EPHB2: variants seen among roughly 807,000 people sequenced by gnomAD.
EPHB2 encodes ephrin type-B receptor 2.
Under a neutral mutation model 96.4 loss-of-function variants are expected in EPHB2, and 18 were observed. The observed-to-expected ratio is 0.19, with a 90% CI of 0.13 to 0.28. The LOEUF is 0.28. Among genes scored for constraint, EPHB2 ranks in the 10% least tolerant of loss-of-function variants. The pLI, the probability that EPHB2 is intolerant of heterozygous loss-of-function variation, is 1.00. For synonymous variants in EPHB2, 506 were observed against 534.1 expected (o/e 0.95, Z 0.72); for missense variants, 989 against 1,355.4 (o/e 0.73, Z 4.25).
rs191990764 is a variant in EPHB2 at position 22,720,706 on chromosome 1, G to C, written c.61+9663G>C. ...CACTTACCCCCGAATTGTCTTCAGT[G>C]TTATCTGCCTCTTCTGAGAAGGCAG... On this transcript the variant is annotated intron_variant, in intron 1 of 15. Coordinates refer to ENST00000374630, the MANE Select transcript of EPHB2 (RefSeq NM_017449.5). 5.2e-3 allele frequency among the ~76,000 whole-genome samples: 668 copies of C among 128,018 alleles called. 3 individuals are homozygous for C. Among genetic ancestry groups the C allele is most frequent in the African/African-American group, 0.019 (635 of 33,146 alleles). 84.0% of individuals were successfully genotyped at this position (128,018 alleles called of 152,430 possible). A position where few individuals can be genotyped will look rare whatever the true frequency, so the allele number is the denominator to read the frequency against.
At chr1:22,839,426 A>T (rs1038580570) in intron 3 of EPHB2, among the ~76,000 whole-genome samples, 7 of 152,224 alleles carry the variant, frequency 4.6e-5, no homozygotes, top group Admixed American at 4.6e-4. Flanking sequence ...ACCAAAGATG[A>T]GTAAGGCCTG....
intron 8 of EPHB2, 30 bp from the exon 9 acceptor site, chr1:22,896,384 G>C (rs1279763788): frequency 1.2e-6 from 2 of 1,614,036 alleles, no homozygotes; most frequent in Non-Finnish European, 8.5e-7. Context: ...GCCTTCAGGT[G>C]GCTCCAGCCC....
intron 8 of EPHB2, 40 bp downstream of exon 8, chr1:22,895,620 C>T: frequency 1.9e-6 from 3 of 1,563,928 alleles, no homozygotes; most frequent in Non-Finnish European, 2.6e-6. Context: ...CTGGCTGTCC[C>T]AGATGGCTTC....
chr1:22,807,700 A>G (rs923119122), intron 3 of EPHB2, among the ~76,000 whole-genome samples: 8 of 152,236 alleles, frequency 5.3e-5, no homozygotes, highest in African/African-American at 1.9e-4. Flanking sequence ...AGGGCTCTAC[A>G]GAATTCCCGG....
chr1:22,756,709 C>T (rs4655104), intron 1 of EPHB2, among the ~76,000 whole-genome samples: 140,863 of 152,114 alleles, frequency 0.93, 66,186 homozygotes, highest in East Asian at 1. Context: ...TCTCACTGGG[C>T]CAGCCCCAGA....
At chr1:22,887,693 C>T (rs1456579098) in intron 6 of EPHB2, among the ~76,000 whole-genome samples, 3 of 152,312 alleles carry the variant, frequency 2.0e-5, no homozygotes, top group African/African-American at 7.2e-5. Flanking sequence ...TGGCAGCTAC[C>T]CCAAAGCACA....
intron 5 of EPHB2, among the ~76,000 whole-genome samples, chr1:22,876,654 G>T (rs75323429): frequency 6.6e-6 from 1 of 152,198 alleles, no homozygotes; most frequent in Admixed American, 6.5e-5. Flanking sequence ...CAGCGTGCCC[G>T]GCTAGTAATT....
At chr1:22,736,457 G>A (rs1426443554) in intron 1 of EPHB2, among the ~76,000 whole-genome samples, 3 of 152,164 alleles carry the variant, frequency 2.0e-5, no homozygotes, top group East Asian at 1.9e-4. Context: ...TGCATGAGCC[G>A]AGGCTCTGTT....
intron 1 of EPHB2, among the ~76,000 whole-genome samples, chr1:22,736,451 T>A (rs143994511): frequency 1.3e-5 from 2 of 152,280 alleles, no homozygotes; most frequent in African/African-American, 4.8e-5. Context: ...TCCCAATGCA[T>A]GAGCCGAGGC....
chr1:22,919,689 AAGGAGAGGGAGC>A lies in EPHB2; in HGVS notation c.*6131_*6142del. 6.6e-6 allele frequency: 1 copy of A among 152,524 alleles called. No homozygotes were observed. Among genetic ancestry groups the A allele is most frequent in the Non-Finnish European group, 1.5e-5 (1 of 68,142 alleles). 9.4% of individuals were successfully genotyped at this position (152,524 alleles called of 1,614,324 possible). ...ACCCAAGACCTAACGGCCCCTGTTG[AAGGAGAGGGAGC>A]AGGAGAGGGAGGAGGGAGGAGGTCA... On this transcript the variant is annotated 3_prime_UTR_variant, in exon 16 of 16. Transcript: ENST00000374630.
intron 3 of EPHB2, among the ~76,000 whole-genome samples, chr1:22,833,277 C>G (rs1645333510): frequency 6.6e-6 from 1 of 152,118 alleles, no homozygotes; most frequent in South Asian, 2.1e-4. Context: ...CGCCACCATG[C>G]CTGGCTAATT....
rs1645576613 is a variant in EPHB2 at position 22,848,507 on chromosome 1, T to C, written c.812-14530T>C. 2.0e-5 allele frequency among the ~76,000 whole-genome samples: 3 copies of C among 152,218 alleles called. No individual in the cohort carries two copies. In the South Asian group the frequency reaches 6.2e-4, roughly 31 times the overall value. On this transcript the variant is annotated intron_variant, in intron 3 of 15. Transcript: ENST00000374630. ...TCTTACAGCCTACAATCACATTGGCTTTTTCAGCAGCTTTTGGCTTGTGGT... is the reference window on the plus strand; with the variant it reads ...TCTTACAGCCTACAATCACATTGGCCTTTTCAGCAGCTTTTGGCTTGTGGT...
intron 1 of EPHB2, among the ~76,000 whole-genome samples, chr1:22,734,531 T>C (rs1570172990): frequency 6.6e-6 from 1 of 152,004 alleles, no homozygotes; most frequent in South Asian, 2.1e-4. Flanking sequence ...AAGCGATTCT[T>C]GTGCCTCAGC....
At chr1:22,718,618 C>T (rs1368613133) in intron 1 of EPHB2, among the ~76,000 whole-genome samples, 1 of 151,916 alleles carries the variant, frequency 6.6e-6, no homozygotes, top group South Asian at 2.1e-4. Context: ...CGAACTCTGA[C>T]CTCAGGCGAT....
At chr1:22,771,799 A>C (rs1644382772) in intron 1 of EPHB2, among the ~76,000 whole-genome samples, 1 of 152,214 alleles carries the variant, frequency 6.6e-6, no homozygotes, top group Non-Finnish European at 1.5e-5. Context: ...TTAAGTAAAA[A>C]GGCTTTAAAA....
intron 9 of EPHB2, among the ~76,000 whole-genome samples, chr1:22,901,724 T>C (rs1639752368): frequency 6.6e-6 from 1 of 152,166 alleles, no homozygotes; most frequent in African/African-American, 2.4e-5. Context: ...GCCTGAGGGT[T>C]ACAAGTGGAG....
chr1:22,893,688 C>T (rs1320416619), intron 7 of EPHB2, among the ~76,000 whole-genome samples: 1 of 152,208 alleles, frequency 6.6e-6, no homozygotes, highest in Non-Finnish European at 1.5e-5. Flanking sequence ...AACAAGTCAC[C>T]TTACCTCTCC....
intron 3 of EPHB2, among the ~76,000 whole-genome samples, chr1:22,819,740 G>A (rs1036195744): frequency 2.6e-5 from 4 of 152,080 alleles, no homozygotes; most frequent in Admixed American, 6.5e-5. Flanking sequence ...GGAGCCTGGT[G>A]AGGAAGAGGC....
intron 1 of EPHB2, among the ~76,000 whole-genome samples, chr1:22,776,051 GGGGCCTCAGAGAGCT>G (rs1048451476): frequency 6.6e-6 from 1 of 152,168 alleles, no homozygotes; most frequent in African/African-American, 2.4e-5. Context: ...ATCCAGCAGA[GGGGCCTCAGAGAGCT>G]GCTAACCGTT....
Sources: allele counts gnomAD v4.1 joint callset (sites outside exome capture counted in the v4.1 genomes callset), GRCh38; gene constraint gnomAD v4.1.1; transcripts MANE v1.5; gene names NCBI Gene and HGNC (gene_info 2026-07-23, HGNC 2026-07-21).